Variants in RTTN observed in about 807,000 individuals in gnomAD.
RTTN encodes the protein rotatin.
A neutral mutation model predicts 269.2 loss-of-function variants in RTTN; 182 were observed. That is an observed-to-expected ratio of 0.68 (90% CI 0.60 to 0.76). The LOEUF is 0.76. Ranked by LOEUF, RTTN falls within the 30% of genes least tolerant of loss-of-function variation. The pLI is 0.00. For synonymous variants in RTTN, 1,006 were observed against 963.5 expected (o/e 1.04, Z -0.82); for missense variants, 2,545 against 2,608.6 (o/e 0.98, Z 0.53).
intron 19 of RTTN, among the ~76,000 whole-genome samples, chr18:70,140,646 A>T (rs1447331384): frequency 6.6e-6 from 1 of 152,114 alleles, no homozygotes; most frequent in Non-Finnish European, 1.5e-5. Context: ...CTCTAACCTC[A>T]AACTATTAAT....
chr18:70,040,665 G>A (rs1353107374), intron 40 of RTTN, among the ~76,000 whole-genome samples: 1 of 152,192 alleles, frequency 6.6e-6, no homozygotes, highest in East Asian at 1.9e-4. Flanking sequence ...AATGGCTGCA[G>A]AATACACATT....
At chr18:70,186,205 C>T (rs974206896) in intron 10 of RTTN, among the ~76,000 whole-genome samples, 3 of 151,876 alleles carry the variant, frequency 2.0e-5, no homozygotes, top group African/African-American at 7.3e-5. Flanking sequence ...AATGGATAAA[C>T]AAATTGTGGT....
intron 12 of RTTN, 54 bp from the exon 13 acceptor site, chr18:70,167,085 T>C: frequency 1.8e-6 from 2 of 1,140,526 alleles, no homozygotes; most frequent in East Asian, 4.7e-5. Context: ...GCAATGATAT[T>C]CTCAACAGCT....
chr18:70,053,581 TA>T (rs1356946217), intron 38 of RTTN: 1 of 152,256 alleles, frequency 6.6e-6, no homozygotes, highest in African/African-American at 2.4e-5. Context: ...AATGGTCAAT[TA>T]CTTCATTATA....
At chr18:70,114,031 A>C (rs2059541603) in intron 27 of RTTN, among the ~76,000 whole-genome samples, 1 of 152,220 alleles carries the variant, frequency 6.6e-6, no homozygotes, top group Admixed American at 6.5e-5. Flanking sequence ...AAATGGTTAA[A>C]ATAGTGACTT....
At chr18:70,163,441 G>A (rs2060901692) in intron 14 of RTTN, among the ~76,000 whole-genome samples, 1 of 151,852 alleles carries the variant, frequency 6.6e-6, no homozygotes. Flanking sequence ...TGGAATCCTT[G>A]GCACTGCCAG....
intron 21 of RTTN, among the ~76,000 whole-genome samples, chr18:70,137,309 C>G (rs1036891962): frequency 2.0e-5 from 3 of 152,108 alleles, no homozygotes; most frequent in Admixed American, 2.0e-4. Context: ...AGACCTCACA[C>G]AGATGGTATA....
chr18:70,054,960 T>C (rs979050038), intron 37 of RTTN, among the ~76,000 whole-genome samples: 6 of 152,128 alleles, frequency 3.9e-5, no homozygotes. Flanking sequence ...CCCTTCAAAG[T>C]GCATAAGCAG....
chr18:70,193,844 GA>G (rs1202438276), intron 7 of RTTN, among the ~76,000 whole-genome samples: 3 of 152,200 alleles, frequency 2.0e-5, no homozygotes, highest in African/African-American at 7.2e-5. Context: ...GCTCTTAGCG[GA>G]AAAAATAAAT....
chr18:70,092,626 A>G (rs747312944), intron 29 of RTTN, 50 bp downstream of exon 29: 1 of 1,588,948 alleles, frequency 6.3e-7, no homozygotes, highest in Non-Finnish European at 8.6e-7. Flanking sequence ...GACACAGCAC[A>G]TTCCCTTTCA....
At chr18:70,179,858 C>A (rs995222015) in intron 10 of RTTN, among the ~76,000 whole-genome samples, 14 of 152,246 alleles carry the variant, frequency 9.2e-5, no homozygotes, top group Non-Finnish European at 2.1e-4. Context: ...GTTCCTCCTG[C>A]CAGTCTCACA....
At chr18:70,032,596 T>G (rs1235685909) in intron 40 of RTTN, among the ~76,000 whole-genome samples, 2 of 152,184 alleles carry the variant, frequency 1.3e-5, no homozygotes, top group Non-Finnish European at 2.9e-5. Flanking sequence ...GCATTACAAA[T>G]AGTAAAGGAC....
At chr18:70,006,646 T>C (rs2056198077) in intron 46 of RTTN, 162 bp from the exon 47 acceptor site, 4 of 607,718 alleles carry the variant, frequency 6.6e-6, no homozygotes, top group South Asian at 6.1e-5. Context: ...ATGTGGTATA[T>C]GGGAGGACAA....
chr18:70,134,477 TA>T lies in RTTN; in HGVS notation c.2949del (p.Phe983LeufsTer10). On this transcript the variant is annotated frameshift_variant, in exon 23 of 49. Transcript: ENST00000640769. LOFTEE classifies it high-confidence loss of function. ...PSVFSLPVSVFRRYHLPVHVI... is the reference protein window; with the variant it reads ...PSVFSLPVSVXRRYHLPVHVI... ...TCAGAGAAATAAATCCTTTACCTTC[TA>T]AAAACGGAAACAGGCAAACTGAAGA... 6.2e-7 allele frequency: 1 copy of T among 1,605,894 alleles called. No individual in the cohort carries two copies. The highest frequency in any genetic ancestry group is 1.7e-5 in the Admixed American group (1 of 59,404).
chr18:70,174,165 C>G (rs2061224945), intron 11 of RTTN, among the ~76,000 whole-genome samples: 1 of 146,676 alleles, frequency 6.8e-6, no homozygotes, highest in South Asian at 2.1e-4. Flanking sequence ...AAAAAAAAAG[C>G]CTTTACAGAA....
intron 18 of RTTN, among the ~76,000 whole-genome samples, chr18:70,142,977 A>G (rs1276894654): frequency 6.6e-6 from 1 of 152,162 alleles, no homozygotes; most frequent in Non-Finnish European, 1.5e-5. Flanking sequence ...GTGATCCAAG[A>G]TCGCACCACT....
At chr18:70,012,222 A>G (rs1320586003) in intron 46 of RTTN, among the ~76,000 whole-genome samples, 1 of 148,986 alleles carries the variant, frequency 6.7e-6, no homozygotes, top group African/African-American at 2.5e-5. Context: ...GCATCTGCTC[A>G]CTGGTATTAG....
intron 18 of RTTN, 87 bp from the exon 19 acceptor site, chr18:70,142,474 C>T: frequency 1.4e-6 from 1 of 735,370 alleles, no homozygotes; most frequent in Non-Finnish European, 2.3e-6. Flanking sequence ...GCCCTATGAA[C>T]AAAAGCTCAA....
chr18:70,199,197 A>T (rs1395730744), intron 5 of RTTN, among the ~76,000 whole-genome samples: 2 of 152,158 alleles, frequency 1.3e-5, no homozygotes, highest in Non-Finnish European at 1.5e-5. Context: ...AAAATAAATA[A>T]ATAAATAAAT....
Sources: gnomAD v4.1 joint callset for allele counts (sites outside exome capture counted in the v4.1 genomes callset) on GRCh38, gnomAD v4.1.1 for gene constraint, MANE v1.5 for transcripts, NCBI Gene and HGNC (gene_info 2026-07-23, HGNC 2026-07-21) for gene names.